Variants in CHRM3 observed in about 807,000 individuals in gnomAD.
CHRM3 encodes muscarinic acetylcholine receptor M3.
Under a neutral mutation model 41.8 loss-of-function variants are expected in CHRM3, and 11 were observed. That is an observed-to-expected ratio of 0.26 (90% CI 0.17 to 0.44). The LOEUF (loss-of-function observed/expected upper bound fraction) is 0.44, where lower values mean the gene tolerates loss of function less well. Among genes scored for constraint, CHRM3 ranks in the 20% least tolerant of loss-of-function variants. The pLI, the probability that CHRM3 is intolerant of heterozygous loss-of-function variation, is 1.00. For missense variants in CHRM3, 571 were observed against 745.4 expected (o/e 0.77, Z 2.72); for synonymous variants, 297 against 301.4 (o/e 0.99, Z 0.15).
intron 6 of CHRM3, among the ~76,000 whole-genome samples, chr1:239,883,344 C>T (rs1329295199): frequency 2.6e-5 from 4 of 152,254 alleles, no homozygotes; most frequent in Non-Finnish European, 5.9e-5. Context: ...TCATCTCCAA[C>T]TATGCCCCTC....
chr1:239,855,565 T>TC (rs1240241720), intron 6 of CHRM3, among the ~76,000 whole-genome samples: 1 of 152,010 alleles, frequency 6.6e-6, no homozygotes. Flanking sequence ...ACTTTTTTTT[T>TC]CACTCATACA....
At chr1:239,843,101 T>C (rs571819805) in intron 6 of CHRM3, among the ~76,000 whole-genome samples, 166 of 152,306 alleles carry the variant, frequency 1.1e-3, no homozygotes, top group Non-Finnish European at 2.0e-3. Flanking sequence ...CTTTTAGGGC[T>C]TTTTACTCTT....
At chr1:239,640,493 G>T (rs1292526416) in intron 4 of CHRM3, among the ~76,000 whole-genome samples, 1 of 152,154 alleles carries the variant, frequency 6.6e-6, no homozygotes, top group Non-Finnish European at 1.5e-5. Context: ...TTTAGTCTTG[G>T]GAGGGTGTAT....
At chr1:239,664,942 C>T (rs1156800505) in intron 4 of CHRM3, among the ~76,000 whole-genome samples, 6 of 152,028 alleles carry the variant, frequency 3.9e-5, no homozygotes, top group African/African-American at 1.2e-4. Context: ...CCTAGAGAAC[C>T]TGTCACCTGC....
intron 2 of CHRM3, among the ~76,000 whole-genome samples, chr1:239,531,229 A>AC (rs1203047502): frequency 1.1e-3 from 167 of 152,316 alleles, no homozygotes; most frequent in Non-Finnish European, 1.7e-3. Context: ...AAGTTAGAGG[A>AC]CATGCACTTC....
chr1:239,530,581 A>G (rs918365034), intron 2 of CHRM3, among the ~76,000 whole-genome samples: 5 of 152,220 alleles, frequency 3.3e-5, no homozygotes, highest in East Asian at 3.9e-4. Flanking sequence ...CAGTGGAGCT[A>G]TAGTAAGTAT....
At position 239,808,777 on chromosome 1, in the gene CHRM3, T is replaced by G. The variant is rs539142166; in HGVS notation, c.-146-18475T>G. 3.3e-5 allele frequency among the ~76,000 whole-genome samples: 5 copies of G among 152,316 alleles called. No individual in the cohort carries two copies. In the South Asian group the frequency reaches 1.0e-3, roughly 32 times the overall value. On this transcript the variant is annotated intron_variant, in intron 5 of 6. Coordinates refer to ENST00000676153, the MANE Select transcript of CHRM3 (RefSeq NM_001375978.1). The stretch of plus-strand genomic sequence containing the variant: ...TTGCATTTCCTAGAAATACACTGTT[T>G]GTGAGAATTAAATCAGCACTCTCTT...
intron 5 of CHRM3, among the ~76,000 whole-genome samples, chr1:239,781,950 A>G (rs1346325804): frequency 2.0e-5 from 3 of 152,040 alleles, no homozygotes; most frequent in Non-Finnish European, 4.4e-5. Context: ...AGCCTTGCAT[A>G]TTTGGGATAA....
intron 6 of CHRM3, among the ~76,000 whole-genome samples, chr1:239,901,918 A>C (rs1045014220): frequency 6.6e-6 from 1 of 152,136 alleles, no homozygotes; most frequent in Non-Finnish European, 1.5e-5. Context: ...TTTCAGTTTT[A>C]ATTAATACTT....
chr1:239,906,097 A>G (rs2103039231), intron 6 of CHRM3, among the ~76,000 whole-genome samples: 1 of 152,336 alleles, frequency 6.6e-6, no homozygotes, highest in African/African-American at 2.4e-5. Context: ...TCTCACCTCC[A>G]GTAAGTAGTC....
intron 5 of CHRM3, among the ~76,000 whole-genome samples, chr1:239,809,676 T>G (rs1670959229): frequency 6.6e-6 from 1 of 152,044 alleles, no homozygotes; most frequent in Non-Finnish European, 1.5e-5. Flanking sequence ...TTTTAATTTT[T>G]TTTGTACAGA....
At chr1:239,893,606 C>T (rs1000454516) in intron 6 of CHRM3, among the ~76,000 whole-genome samples, 5 of 151,952 alleles carry the variant, frequency 3.3e-5, no homozygotes, top group Non-Finnish European at 7.4e-5. Context: ...ACATGCATTT[C>T]ACTTAGAAAA....
chr1:239,417,442 G>C (rs2103077988), intron 1 of CHRM3, among the ~76,000 whole-genome samples: 1 of 152,244 alleles, frequency 6.6e-6, no homozygotes, highest in East Asian at 1.9e-4. Context: ...GATTGTCATA[G>C]AAGCTGAGGA....
chr1:239,552,658 T>G (rs1197566189), intron 3 of CHRM3, among the ~76,000 whole-genome samples: 2 of 146,516 alleles, frequency 1.4e-5, no homozygotes, highest in Non-Finnish European at 3.0e-5. Flanking sequence ...TTATTATTAT[T>G]ATTAATTATT....
chr1:239,866,612 T>C (rs1308867483), intron 6 of CHRM3, among the ~76,000 whole-genome samples: 1 of 152,180 alleles, frequency 6.6e-6, no homozygotes, highest in Non-Finnish European at 1.5e-5. Context: ...GCAGGCGATA[T>C]TACTGTCACA....
intron 6 of CHRM3, among the ~76,000 whole-genome samples, chr1:239,892,608 A>C (rs1398804064): frequency 2.0e-5 from 3 of 152,218 alleles, no homozygotes; most frequent in Non-Finnish European, 4.4e-5. Context: ...AAAATGAGAC[A>C]TGCAGCTTTA....
intron 4 of CHRM3, among the ~76,000 whole-genome samples, chr1:239,649,726 T>C (rs532040273): frequency 6.6e-6 from 1 of 151,950 alleles, no homozygotes; most frequent in Non-Finnish European, 1.5e-5. Flanking sequence ...GTAGAGATCT[T>C]GAGTGCGAGA....
chr1:239,395,268 G>T (rs989975773), intron 1 of CHRM3, among the ~76,000 whole-genome samples: 1 of 152,016 alleles, frequency 6.6e-6, no homozygotes, highest in African/African-American at 2.4e-5. Context: ...CTGTCTTCAC[G>T]ATTTCAAATA....
chr1:239,542,311 G>A (rs1658858754), intron 2 of CHRM3, among the ~76,000 whole-genome samples: 1 of 152,104 alleles, frequency 6.6e-6, no homozygotes. Context: ...ATGAATAGCA[G>A]TTTACCAGAT....
Sources: gnomAD v4.1 joint callset for allele counts (sites outside exome capture counted in the v4.1 genomes callset) on GRCh38, gnomAD v4.1.1 for gene constraint, MANE v1.5 for transcripts, NCBI Gene and HGNC (gene_info 2026-07-23, HGNC 2026-07-21) for gene names.